The following ARL15 variants were observed in gnomAD, a reference collection of about 807,000 sequenced individuals.
ARL15 encodes the protein ADP-ribosylation factor-like protein 15.
A neutral mutation model predicts 25.2 loss-of-function variants in ARL15; 19 were observed. The ratio of observed to expected loss-of-function variants is 0.75; its 90% CI spans 0.53 to 1.10. ARL15 has a LOEUF of 1.10. Ranked by LOEUF, ARL15 falls within the 50% of genes least tolerant of loss-of-function variation. The probability of loss-of-function intolerance (pLI) is 0.00; values close to 1 mark genes in which losing one functional copy is unlikely to be tolerated. For missense variants in ARL15, 220 were observed against 246.0 expected, an observed-to-expected ratio of 0.89 and a Z score of 0.71; for synonymous variants, 94 against 86.8, an observed-to-expected ratio of 1.08 and a Z score of -0.46.
At chr5:54,029,810 G>A (rs929922736) in intron 4 of ARL15, among the ~76,000 whole-genome samples, 3 of 152,028 alleles carry the variant, frequency 2.0e-5, no homozygotes, top group Non-Finnish European at 4.4e-5. Flanking sequence ...TGACTAACAC[G>A]GTGAAACTCC....
chr5:53,916,626 G>A (rs1219847237), intron 4 of ARL15, among the ~76,000 whole-genome samples: 1 of 152,150 alleles, frequency 6.6e-6, no homozygotes, highest in Non-Finnish European at 1.5e-5. Context: ...TAAGGCATCA[G>A]TACTAAGGCT....
chr5:54,024,032 CCACTATGTGGTGGATTAAT>C (rs1749699104), intron 4 of ARL15, among the ~76,000 whole-genome samples: 1 of 152,198 alleles, frequency 6.6e-6, no homozygotes, highest in African/African-American at 2.4e-5. Context: ...CATCAGCACC[CCACTATGTGGTGGATTAAT>C]CACTCTGGGA....
chr5:53,968,205 A>T (rs1747627391), intron 4 of ARL15, among the ~76,000 whole-genome samples: 1 of 152,240 alleles, frequency 6.6e-6, no homozygotes, highest in Admixed American at 6.5e-5. Flanking sequence ...ATACTCTACA[A>T]AACTGGTTGT....
At chr5:54,220,152 AT>A (rs1208010441) in intron 1 of ARL15, among the ~76,000 whole-genome samples, 1 of 152,154 alleles carries the variant, frequency 6.6e-6, no homozygotes, top group Admixed American at 6.5e-5. Flanking sequence ...ATGCCTAGTT[AT>A]TTATGTCTCA....
chr5:54,269,031 T>C (rs1215750035), intron 1 of ARL15, among the ~76,000 whole-genome samples: 1 of 141,454 alleles, frequency 7.1e-6, no homozygotes, highest in African/African-American at 2.7e-5. Context: ...TGAGAACACA[T>C]GGACACAGGA....
At chr5:54,061,454 T>C (rs1164574835) in intron 4 of ARL15, among the ~76,000 whole-genome samples, 1 of 151,818 alleles carries the variant, frequency 6.6e-6, no homozygotes, top group African/African-American at 2.4e-5. Flanking sequence ...TACTAAAAAA[T>C]ACAAAACTAC....
At chr5:54,098,390 G>A (rs1489708522) in intron 4 of ARL15, among the ~76,000 whole-genome samples, 3 of 151,986 alleles carry the variant, frequency 2.0e-5, no homozygotes, top group East Asian at 3.9e-4. Context: ...CGCAGACATC[G>A]CCTTTCTCCC....
At chr5:53,912,216 G>A (rs775753590) in intron 4 of ARL15, 74 of 151,860 alleles carry the variant, frequency 4.9e-4, no homozygotes, top group African/African-American at 1.6e-3. Context: ...TCCATTTTTC[G>A]AAGCTAGGAC....
At chr5:53,950,684 T>C (rs1411220958) in intron 4 of ARL15, among the ~76,000 whole-genome samples, 1 of 152,298 alleles carries the variant, frequency 6.6e-6, no homozygotes, top group East Asian at 1.9e-4. Context: ...CTTTTTTTTT[T>C]CTCAGCAAAG....
intron 1 of ARL15, among the ~76,000 whole-genome samples, chr5:54,172,250 G>C (rs1047899508): frequency 1.3e-5 from 2 of 152,136 alleles, no homozygotes; most frequent in African/African-American, 4.8e-5. Context: ...GAGGAAACCA[G>C]ATAAAGCCAA....
At position 53,959,417 on chromosome 5, in the gene ARL15, T is replaced by G. The variant is rs1747286652; in HGVS notation, c.463-72704A>C. ...GACACAATAGAGAATAAAATAAACA[T>G]AAAATCCTTGCCTTCACAGAGGTCA... On this transcript the variant is annotated intron_variant, in intron 4 of 4. Coordinates refer to ENST00000504924, the MANE Select transcript of ARL15 (RefSeq NM_019087.3). 3.9e-5 allele frequency among the ~76,000 whole-genome samples: 6 copies of G among 152,066 alleles called. No homozygotes were observed. In the South Asian group the frequency reaches 1.2e-3, roughly 31 times the overall value.
intron 2 of ARL15, among the ~76,000 whole-genome samples, chr5:54,160,761 G>C (rs760156250): frequency 1.3e-5 from 2 of 152,146 alleles, no homozygotes; most frequent in Non-Finnish European, 2.9e-5. Flanking sequence ...AATAAAGTTT[G>C]AATTCTCTTT....
At chr5:53,924,989 G>A (rs1025845149) in intron 4 of ARL15, among the ~76,000 whole-genome samples, 3 of 151,914 alleles carry the variant, frequency 2.0e-5, no homozygotes, top group East Asian at 1.9e-4. Context: ...GCTTATAAGC[G>A]TCTTTTAGCA....
At chr5:54,114,216 G>A (rs1752823974) in intron 3 of ARL15, among the ~76,000 whole-genome samples, 2 of 151,856 alleles carry the variant, frequency 1.3e-5, no homozygotes, top group South Asian at 4.2e-4. Flanking sequence ...TGGCCAACAT[G>A]GTGAAACCCC....
intron 1 of ARL15, among the ~76,000 whole-genome samples, chr5:54,217,184 G>A (rs1402887829): frequency 7.1e-6 from 1 of 140,502 alleles, no homozygotes; most frequent in Non-Finnish European, 1.5e-5. Flanking sequence ...TGGAATTTTA[G>A]TAAGACAATG....
chr5:54,304,101 A>G (rs145242756), intron 1 of ARL15, among the ~76,000 whole-genome samples: 216 of 152,280 alleles, frequency 1.4e-3, no homozygotes, highest in Middle Eastern at 0.01. Flanking sequence ...ACTTTTCTGT[A>G]CCTGTTTACT....
chr5:54,215,084 G>A (rs1048812759), intron 1 of ARL15, among the ~76,000 whole-genome samples: 1 of 152,120 alleles, frequency 6.6e-6, no homozygotes, highest in Non-Finnish European at 1.5e-5. Context: ...TATCACTTGA[G>A]GGGGCTTGGG....
At chr5:54,129,926 C>T (rs1753381058) in intron 3 of ARL15, among the ~76,000 whole-genome samples, 1 of 152,108 alleles carries the variant, frequency 6.6e-6, no homozygotes, top group African/African-American at 2.4e-5. Context: ...GTTTATAGCC[C>T]ATTTTCAGCA....
intron 1 of ARL15, among the ~76,000 whole-genome samples, chr5:54,254,824 T>C (rs1451790518): frequency 6.6e-6 from 1 of 152,238 alleles, no homozygotes; most frequent in African/African-American, 2.4e-5. Context: ...TAAAGTTTAA[T>C]AGGAACTTAT....
Sources: gnomAD v4.1 joint callset for allele counts (sites outside exome capture counted in the v4.1 genomes callset) on GRCh38, gnomAD v4.1.1 for gene constraint, MANE v1.5 for transcripts, NCBI Gene and HGNC (gene_info 2026-07-23, HGNC 2026-07-21) for gene names.